The following GALNTL6 variants were observed in gnomAD, a reference collection of about 807,000 sequenced individuals.
GALNTL6 encodes the protein polypeptide N-acetylgalactosaminyltransferase-like 6.
In GALNTL6, 46 loss-of-function variants were observed where a neutral mutation model predicts 73.7. The observed-to-expected ratio is 0.62, with a 90% CI of 0.49 to 0.80. The LOEUF (loss-of-function observed/expected upper bound fraction) is 0.80. GALNTL6 is among the 30% of genes least tolerant of loss of function. GALNTL6 has a pLI of 0.00. For missense variants in GALNTL6, 604 were observed against 755.0 expected (o/e 0.80, Z 2.34); for synonymous variants, 259 against 263.7 (o/e 0.98, Z 0.17).
At chr4:172,202,652 A>G (rs1344167521) in intron 2 of GALNTL6, among the ~76,000 whole-genome samples, 3 of 152,148 alleles carry the variant, frequency 2.0e-5, no homozygotes, top group Non-Finnish European at 4.4e-5. Flanking sequence ...GTGGTCTGTG[A>G]TTACCATCTA....
rs201223757 is a variant in GALNTL6, at chr4:172,664,064, TC to T, written c.554-145296del. On this transcript the variant is annotated intron_variant, in intron 5 of 12. Coordinates refer to ENST00000506823, the MANE Select transcript of GALNTL6 (RefSeq NM_001034845.3). ...TTCACATTCAGAAAAGGGAAGAATA[TC>T]GGCTACATGGCAGACATTTGATAGC... Among the ~76,000 whole-genome samples, 1,168 of 152,194 alleles carry T rather than the reference TC, an allele frequency of 7.7e-3. 12 individuals carry two copies. The highest frequency in any genetic ancestry group is 0.023 in the African/African-American group (962 of 41,526).
At chr4:172,989,101 G>A (rs1258047434) in intron 10 of GALNTL6, among the ~76,000 whole-genome samples, 2 of 152,198 alleles carry the variant, frequency 1.3e-5, no homozygotes, top group Admixed American at 6.5e-5. Flanking sequence ...CATCAAAATG[G>A]TAGATCCACT....
intron 2 of GALNTL6, among the ~76,000 whole-genome samples, chr4:171,927,724 T>C (rs1299180635): frequency 6.6e-6 from 1 of 152,160 alleles, no homozygotes; most frequent in African/African-American, 2.4e-5. Flanking sequence ...CATTAAAATT[T>C]GTGATTCCCT....
rs1281215271 is a variant in GALNTL6 at position 172,769,271 on chromosome 4, T to A, written c.554-40090T>A. Reference sequence around the variant, plus strand: ...CCAGCAATGTGCTGGCTTGAGGTTTTAAAAAAAAGATATTTTAAAGATATT... The same window carrying A: ...CCAGCAATGTGCTGGCTTGAGGTTTAAAAAAAAAGATATTTTAAAGATATT... On this transcript the variant is annotated intron_variant, in intron 5 of 12. Coordinates refer to ENST00000506823, the MANE Select transcript of GALNTL6 (RefSeq NM_001034845.3). Among the ~76,000 whole-genome samples, 3 of 151,838 alleles carry A rather than the reference T, an allele frequency of 2.0e-5. No homozygotes were observed. In the East Asian group the frequency reaches 5.8e-4, roughly 29 times the overall value.
rs573719085 is a variant in GALNTL6, at chr4:171,895,613, C to T, written c.138+80895C>T. On this transcript the variant is annotated intron_variant, in intron 2 of 12. Transcript: ENST00000506823. Reference sequence around the variant, plus strand: ...GGAAGAAGAGAGTATCCAGTCTCCACGGCTTAATATTCATGACGTCTATGA... The same window carrying T: ...GGAAGAAGAGAGTATCCAGTCTCCATGGCTTAATATTCATGACGTCTATGA... Among the ~76,000 whole-genome samples the T allele has an allele frequency of 3.3e-4, 50 of 152,154 alleles. No individual in the cohort carries two copies. The South Asian group carries it at 4.1e-3, about 13-fold the overall frequency.
rs1283863833 is a variant in GALNTL6 at position 172,813,739 on chromosome 4, G to A, written c.923+16G>A. 2 of 1,582,338 alleles carry A rather than the reference G, an allele frequency of 1.3e-6. No homozygotes were observed. Among genetic ancestry groups the A allele is most frequent in the Non-Finnish European group, 1.7e-6 (2 of 1,155,954 alleles). On this transcript the variant is annotated intron_variant, in intron 7 of 12. Transcript: ENST00000506823. ...ACCCTTTTGAGTGAGTAGCAGCCAAGGGAGGGGCCGAGGGGGTGAGGGCAG... is the reference window on the plus strand; with the variant it reads ...ACCCTTTTGAGTGAGTAGCAGCCAAAGGAGGGGCCGAGGGGGTGAGGGCAG...
chr4:171,960,845 T>G (rs1394207301), intron 2 of GALNTL6, among the ~76,000 whole-genome samples: 1 of 151,992 alleles, frequency 6.6e-6, no homozygotes, highest in African/African-American at 2.4e-5. Context: ...TGCATTAAGC[T>G]GGTGGTGTGA....
At chr4:172,341,278 C>T (rs1011066930) in intron 4 of GALNTL6, among the ~76,000 whole-genome samples, 2 of 150,590 alleles carry the variant, frequency 1.3e-5, no homozygotes, top group African/African-American at 2.4e-5. Flanking sequence ...GGTGAAACCC[C>T]GTCTCTACTA....
At chr4:172,303,114 C>T (rs921334218) in intron 3 of GALNTL6, among the ~76,000 whole-genome samples, 1 of 152,146 alleles carries the variant, frequency 6.6e-6, no homozygotes, top group Non-Finnish European at 1.5e-5. Flanking sequence ...ATTCTCCTGC[C>T]TCAGCCTCCC....
chr4:172,200,612 G>T (rs766222173), intron 2 of GALNTL6, among the ~76,000 whole-genome samples: 1 of 152,138 alleles, frequency 6.6e-6, no homozygotes, highest in Non-Finnish European at 1.5e-5. Context: ...TTATGTAGTA[G>T]ATAATATAAT....
chr4:172,363,911 C>CAAATGGTATG, intron 5 of GALNTL6, among the ~76,000 whole-genome samples: 1 of 152,156 alleles, frequency 6.6e-6, no homozygotes, highest in Non-Finnish European at 1.5e-5. Context: ...TTTACCACTG[C>CAAATGGTATG]ACACTAATGA....
intron 8 of GALNTL6, among the ~76,000 whole-genome samples, chr4:172,913,264 A>T (rs1747311599): frequency 1.3e-5 from 2 of 152,248 alleles, no homozygotes; most frequent in South Asian, 4.1e-4. Flanking sequence ...AAAGGTAGAT[A>T]AAACCACAAA....
chr4:172,666,518 A>C (rs769129658), intron 5 of GALNTL6, among the ~76,000 whole-genome samples: 9 of 152,258 alleles, frequency 5.9e-5, no homozygotes, highest in East Asian at 1.9e-4. Context: ...TACACACACA[A>C]AAAAAATTCT....
At chr4:172,381,148 A>G (rs1743269304) in intron 5 of GALNTL6, among the ~76,000 whole-genome samples, 1 of 152,174 alleles carries the variant, frequency 6.6e-6, no homozygotes, top group African/African-American at 2.4e-5. Context: ...ACTTTTTATT[A>G]TTTGTTATTT....
intron 10 of GALNTL6, among the ~76,000 whole-genome samples, chr4:172,960,254 G>C (rs764227655): frequency 7.9e-5 from 12 of 152,178 alleles, no homozygotes; most frequent in South Asian, 2.1e-4. Context: ...TTTGGGAGGG[G>C]TCAGATAAAG....
chr4:172,235,333 G>A (rs763073167), intron 3 of GALNTL6, among the ~76,000 whole-genome samples: 41 of 151,868 alleles, frequency 2.7e-4, no homozygotes, highest in Non-Finnish European at 5.6e-4. Flanking sequence ...TCAGCCTCCC[G>A]AGGAGCTTGG....
At chr4:172,892,471 G>GA (rs1341237125) in intron 8 of GALNTL6, among the ~76,000 whole-genome samples, 1 of 152,112 alleles carries the variant, frequency 6.6e-6, no homozygotes, top group Non-Finnish European at 1.5e-5. Flanking sequence ...GGGTGTTGAA[G>GA]AAATTTTTTC....
chr4:172,916,491 GA>G (rs1304991809), intron 8 of GALNTL6, among the ~76,000 whole-genome samples: 2 of 152,116 alleles, frequency 1.3e-5, no homozygotes, highest in African/African-American at 4.8e-5. Context: ...TGTATATTTA[GA>G]AAACCCCATT....
chr4:172,140,688 A>C (rs1733777698), intron 2 of GALNTL6, among the ~76,000 whole-genome samples: 1 of 152,056 alleles, frequency 6.6e-6, no homozygotes, highest in Admixed American at 6.6e-5. Context: ...CTAAATCTGC[A>C]TCAAGAAAAG....
Sources: allele counts gnomAD v4.1 joint callset (sites outside exome capture counted in the v4.1 genomes callset), GRCh38; gene constraint gnomAD v4.1.1; transcripts MANE v1.5; gene names NCBI Gene and HGNC (gene_info 2026-07-23, HGNC 2026-07-21).